KIFAP3: variants seen among roughly 807,000 people sequenced by gnomAD.
KIFAP3 encodes the protein kinesin-associated protein 3.
KIFAP3 carries 68 observed loss-of-function variants against 106.5 expected under a neutral mutation model. The ratio of observed to expected loss-of-function variants is 0.64; its 90% CI spans 0.53 to 0.78. The LOEUF is 0.78. KIFAP3 is among the 30% of genes least tolerant of loss of function. The pLI is 0.00. For missense variants in KIFAP3, 780 were observed against 941.8 expected (o/e 0.83, Z 2.25); for synonymous variants, 320 against 311.5 (o/e 1.03, Z -0.29).
chr1:169,977,947 A>AG, intron 16 of KIFAP3, 138 bp downstream of exon 16: 1 of 647,970 alleles, frequency 1.5e-6, no homozygotes, highest in Non-Finnish European at 2.7e-6. Context: ...CATGGAAAAT[A>AG]GGTTATCTTG....
At chr1:170,013,115 G>A (rs1668325166) in intron 10 of KIFAP3, among the ~76,000 whole-genome samples, 6 of 152,006 alleles carry the variant, frequency 3.9e-5, no homozygotes, top group Admixed American at 3.9e-4. Flanking sequence ...CTATGAACCG[G>A]GAAGCAGGCC....
chr1:169,994,258 C>T (rs1451371439), intron 10 of KIFAP3, among the ~76,000 whole-genome samples: 1 of 152,146 alleles, frequency 6.6e-6, no homozygotes, highest in Non-Finnish European at 1.5e-5. Context: ...GATTTAACCA[C>T]AGGTCTCTCT....
chr1:170,016,996 C>T (rs1324909198), intron 9 of KIFAP3, among the ~76,000 whole-genome samples: 31 of 152,162 alleles, frequency 2.0e-4, no homozygotes, highest in African/African-American at 6.8e-4. Context: ...CAGTGGCTCA[C>T]GCCTGTAATC....
At chr1:169,949,015 A>T (rs1294714423) in intron 19 of KIFAP3, among the ~76,000 whole-genome samples, 1 of 152,044 alleles carries the variant, frequency 6.6e-6, no homozygotes, top group African/African-American at 2.4e-5. Flanking sequence ...GTAGAATTCT[A>T]GAATTAAAAA....
At chr1:169,928,699 C>CAAAAAAAAAAAAAAAAAAA (rs10690029) in intron 19 of KIFAP3, among the ~76,000 whole-genome samples, 3 of 37,784 alleles carry the variant, frequency 7.9e-5, no homozygotes, top group Non-Finnish European at 1.2e-4. Flanking sequence ...ACCCTGTCTC[C>CAAAAAAAAAAAAAAAAAAA]AAAAAAAAAA....
At chr1:170,031,290 T>C (rs1157284983) in intron 8 of KIFAP3, among the ~76,000 whole-genome samples, 1 of 151,700 alleles carries the variant, frequency 6.6e-6, no homozygotes, top group East Asian at 1.9e-4. Flanking sequence ...TTTTGGGAGT[T>C]AACAAGTATT....
intron 19 of KIFAP3, among the ~76,000 whole-genome samples, chr1:169,939,403 C>T (rs571373014): frequency 1.1e-4 from 17 of 151,934 alleles, no homozygotes; most frequent in East Asian, 3.9e-4. Context: ...CATACTGAGA[C>T]GAGAAGATTA....
At chr1:169,977,443 G>T (rs1666279495) in intron 16 of KIFAP3, among the ~76,000 whole-genome samples, 1 of 152,142 alleles carries the variant, frequency 6.6e-6, no homozygotes, top group Non-Finnish European at 1.5e-5. Context: ...TACAAGGTAG[G>T]AGGTCTTTTT....
At chr1:170,041,332 A>G (rs928550619) in intron 3 of KIFAP3, among the ~76,000 whole-genome samples, 4 of 152,274 alleles carry the variant, frequency 2.6e-5, no homozygotes, top group African/African-American at 4.8e-5. Flanking sequence ...TCAAAACTTG[A>G]GCATTGATAC....
intron 19 of KIFAP3, among the ~76,000 whole-genome samples, chr1:169,929,770 A>G (rs1663363028): frequency 6.6e-6 from 1 of 152,072 alleles, no homozygotes; most frequent in Non-Finnish European, 1.5e-5. Flanking sequence ...TTTTTCAAAA[A>G]TCAAGGGCAA....
intron 9 of KIFAP3, among the ~76,000 whole-genome samples, chr1:170,020,555 C>T (rs1668757497): frequency 6.6e-6 from 1 of 152,180 alleles, no homozygotes; most frequent in Non-Finnish European, 1.5e-5. Flanking sequence ...TCACGCCATT[C>T]TCCTGCCTCA....
chr1:169,984,790 A>C, intron 11 of KIFAP3, 100 bp from the exon 12 acceptor site: 1 of 598,370 alleles, frequency 1.7e-6, no homozygotes, highest in Non-Finnish European at 3.0e-6. Flanking sequence ...TAGATTGTAC[A>C]TTGGGCATAA....
intron 1 of KIFAP3, among the ~76,000 whole-genome samples, chr1:170,069,487 A>G (rs1215977390): frequency 6.6e-6 from 1 of 152,126 alleles, no homozygotes; most frequent in Non-Finnish European, 1.5e-5. Flanking sequence ...ACAGGAGTAT[A>G]TTAAAAGGAC....
At chr1:170,041,688 C>G (rs1460910389) in intron 3 of KIFAP3, 3 of 1,534,978 alleles carry the variant, frequency 2.0e-6, no homozygotes, top group Non-Finnish European at 2.6e-6. Context: ...TTCACATAAG[C>G]TTGCTTGGAG....
intron 7 of KIFAP3, among the ~76,000 whole-genome samples, chr1:170,033,980 T>A (rs548794679): frequency 3.0e-4 from 46 of 151,924 alleles, no homozygotes; most frequent in African/African-American, 1.1e-3. Context: ...TCACCAAATT[T>A]ACACCCATTC....
At chr1:169,973,552 T>C (rs1039199299) in intron 16 of KIFAP3, among the ~76,000 whole-genome samples, 3 of 151,246 alleles carry the variant, frequency 2.0e-5, no homozygotes, top group African/African-American at 7.3e-5. Context: ...AAAAGAATAC[T>C]TCTTTGGTCT....
chr1:169,944,011 T>C lies in KIFAP3; in HGVS notation c.2273+10000A>G, dbSNP rs75217320. ...TCAAAGTCCTAATGTCACAGGATCC[T>C]TGGGGTGTTGCTTTGCCACCCAGAA... On this transcript the variant is annotated intron_variant, in intron 19 of 19. Coordinates refer to ENST00000361580, the MANE Select transcript of KIFAP3 (RefSeq NM_014970.4). Among the ~76,000 whole-genome samples the C allele has an allele frequency of 7.2e-3, 1,097 of 152,336 alleles. 11 individuals are homozygous for C. Among genetic ancestry groups the C allele is most frequent in the African/African-American group, 0.025 (1,052 of 41,570 alleles).
chr1:169,935,610 A>C (rs2101796793), intron 19 of KIFAP3, among the ~76,000 whole-genome samples: 1 of 152,130 alleles, frequency 6.6e-6, no homozygotes, highest in African/African-American at 2.4e-5. Context: ...TTCCTGTTTA[A>C]GTGTATTCAA....
At chr1:169,965,630 T>C (rs932094562) in intron 17 of KIFAP3, among the ~76,000 whole-genome samples, 1 of 152,040 alleles carries the variant, frequency 6.6e-6, no homozygotes, top group Non-Finnish European at 1.5e-5. Context: ...CTTTTAAGAT[T>C]ATCCTAATTT....
Sources: allele counts gnomAD v4.1 joint callset (sites outside exome capture counted in the v4.1 genomes callset), GRCh38; gene constraint gnomAD v4.1.1; transcripts MANE v1.5; gene names NCBI Gene and HGNC (gene_info 2026-07-23, HGNC 2026-07-21).